The following SFMBT1 variants were observed in gnomAD, a reference collection of about 807,000 sequenced individuals.
The protein encoded by SFMBT1 is Scm like with four mbt domains 1.
A neutral mutation model predicts 108.7 loss-of-function variants in SFMBT1; 32 were observed. The observed-to-expected ratio is 0.29, with a 90% CI of 0.22 to 0.40. The LOEUF (loss-of-function observed/expected upper bound fraction) is 0.40, where lower values mean the gene tolerates loss of function less well. SFMBT1 is among the 10% of genes least tolerant of loss of function. The pLI is 1.00. For synonymous variants in SFMBT1, 348 were observed against 369.5 expected, an observed-to-expected ratio of 0.94 and a Z score of 0.67; for missense variants, 816 against 1,059.6, an observed-to-expected ratio of 0.77 and a Z score of 3.19.
intron 1 of SFMBT1, among the ~76,000 whole-genome samples, chr3:53,019,465 GA>G (rs1699232237): frequency 6.6e-6 from 1 of 151,918 alleles, no homozygotes; most frequent in African/African-American, 2.4e-5. Flanking sequence ...TACTCATTTG[GA>G]ATTTCCATTT....
rs545496427 is a variant in SFMBT1 at position 52,992,854 on chromosome 3, G to A, written c.-130-23596C>T. On this transcript the variant is annotated intron_variant, in intron 1 of 20. Coordinates refer to ENST00000394752, the MANE Select transcript of SFMBT1 (RefSeq NM_016329.4). ...CACCTGGAGTGATTCAGGCCTACCT[G>A]CTCCTCAGGGTCTGGGCCCCACCTT... is the stretch of plus-strand genomic sequence containing the variant. 2.7e-4 allele frequency among the ~76,000 whole-genome samples: 41 copies of A among 152,266 alleles called. 1 individual carries two copies. The South Asian group carries it at 8.5e-3, about 32-fold the overall frequency.
chr3:52,989,362 G>A (rs746952027), intron 1 of SFMBT1, among the ~76,000 whole-genome samples: 12 of 150,378 alleles, frequency 8.0e-5, no homozygotes, highest in East Asian at 5.8e-4. Flanking sequence ...GTGTGAACCC[G>A]GGAGCCAGAG....
At chr3:52,998,361 T>C (rs1242974685) in intron 1 of SFMBT1, among the ~76,000 whole-genome samples, 2 of 149,992 alleles carry the variant, frequency 1.3e-5, no homozygotes, top group Admixed American at 6.7e-5. Flanking sequence ...CACTGCACTC[T>C]AGCCTGGGTG....
rs539047028 is a variant in SFMBT1 at position 53,000,152 on chromosome 3, G to A, written c.-130-30894C>T. Among the ~76,000 whole-genome samples, 55 of 150,026 alleles carry A rather than the reference G, an allele frequency of 3.7e-4. 1 individual carries two copies. Among genetic ancestry groups the A allele is most frequent in the Admixed American group, 8.1e-4 (12 of 14,886 alleles). On this transcript the variant is annotated intron_variant, in intron 1 of 20. Transcript: ENST00000394752. ...GCTGGGATTACAGGCGTGAGCCACC[G>A]CACCCAGCCTACTCTTACATTTTTT...
At chr3:53,005,604 G>A (rs1354121459) in intron 1 of SFMBT1, among the ~76,000 whole-genome samples, 1 of 152,188 alleles carries the variant, frequency 6.6e-6, no homozygotes, top group Non-Finnish European at 1.5e-5. Flanking sequence ...GAGCCACAGA[G>A]CCCAGCTGGG....
intron 1 of SFMBT1, among the ~76,000 whole-genome samples, chr3:52,979,297 T>A (rs768943954): frequency 6.6e-6 from 1 of 152,248 alleles, no homozygotes; most frequent in African/African-American, 2.4e-5. Context: ...GGTAATGTTA[T>A]GCTTTAACAG....
intron 3 of SFMBT1, among the ~76,000 whole-genome samples, chr3:52,950,743 G>C (rs188250521): frequency 6.6e-6 from 1 of 152,132 alleles, no homozygotes; most frequent in African/African-American, 2.4e-5. Context: ...CAAAGTGCTG[G>C]GATTACAGGC....
intron 1 of SFMBT1, among the ~76,000 whole-genome samples, chr3:53,034,762 C>T (rs1447695360): frequency 6.6e-6 from 1 of 151,338 alleles, no homozygotes; most frequent in African/African-American, 2.4e-5. Flanking sequence ...CACGGAGAAA[C>T]CCCCATCGCT....
chr3:52,921,950 T>A, intron 10 of SFMBT1, 119 bp from the exon 11 acceptor site: 1 of 1,010,386 alleles, frequency 9.9e-7, no homozygotes, highest in Admixed American at 2.2e-5. Context: ...AACATTTATT[T>A]TGCATTGTTT....
At chr3:52,941,478 C>T (rs1703179034) in intron 4 of SFMBT1, among the ~76,000 whole-genome samples, 1 of 149,562 alleles carries the variant, frequency 6.7e-6, no homozygotes, top group Non-Finnish European at 1.5e-5. Context: ...CCTGTAATCC[C>T]AGCTACTTGG....
intron 1 of SFMBT1, among the ~76,000 whole-genome samples, chr3:52,979,269 C>T (rs1181859746): frequency 6.6e-6 from 1 of 151,982 alleles, no homozygotes; most frequent in Non-Finnish European, 1.5e-5. Context: ...TTGGCTGTTA[C>T]TGGTTTGTAT....
At chr3:52,981,556 T>C (rs898254744) in intron 1 of SFMBT1, among the ~76,000 whole-genome samples, 30 of 150,500 alleles carry the variant, frequency 2.0e-4, no homozygotes, top group South Asian at 4.3e-4. Flanking sequence ...TTTTTTACTT[T>C]TCTGCAGAGA....
chr3:53,032,023 G>C (rs956881151), intron 1 of SFMBT1, among the ~76,000 whole-genome samples: 3 of 152,212 alleles, frequency 2.0e-5, no homozygotes, highest in Non-Finnish European at 4.4e-5. Context: ...GTCTAGGGAA[G>C]GCTTTGCTGA....
chr3:52,985,141 T>C (rs1186154459), intron 1 of SFMBT1, among the ~76,000 whole-genome samples: 4 of 152,178 alleles, frequency 2.6e-5, no homozygotes, highest in Non-Finnish European at 5.9e-5. Flanking sequence ...ACAGTATGTC[T>C]TTGTTCTGAT....
At chr3:53,022,723 C>A (rs1027799847) in intron 1 of SFMBT1, among the ~76,000 whole-genome samples, 1 of 152,062 alleles carries the variant, frequency 6.6e-6, no homozygotes, top group Non-Finnish European at 1.5e-5. Flanking sequence ...TTTCATAGAA[C>A]TGAAAAACAG....
At chr3:52,945,136 T>TAAAAAAAAAAAAAAAAACAAAA (rs367727549) in intron 3 of SFMBT1, among the ~76,000 whole-genome samples, 1 of 48,512 alleles carries the variant, frequency 2.1e-5, no homozygotes, top group Non-Finnish European at 4.5e-5. Context: ...ACCTTCCAAT[T>TAAAAAAAAAAAAAAAAACAAAA]AAAAAAAAAA....
chr3:53,017,610 C>G (rs1176714411), intron 1 of SFMBT1, among the ~76,000 whole-genome samples: 1 of 152,136 alleles, frequency 6.6e-6, no homozygotes, highest in East Asian at 1.9e-4. Flanking sequence ...ATGAAGCACT[C>G]TCATGGAACA....
chr3:52,958,328 T>G (rs1362729852), intron 2 of SFMBT1, among the ~76,000 whole-genome samples: 3 of 152,206 alleles, frequency 2.0e-5, no homozygotes, highest in Non-Finnish European at 4.4e-5. Context: ...GGGTGGCTCA[T>G]GCCTGTAATC....
intron 9 of SFMBT1, among the ~76,000 whole-genome samples, chr3:52,926,572 T>G (rs971899254): frequency 6.6e-6 from 1 of 152,228 alleles, no homozygotes; most frequent in Non-Finnish European, 1.5e-5. Context: ...TAAAGCTGTT[T>G]CCTGAAATGT....
Sources: allele counts gnomAD v4.1 joint callset (sites outside exome capture counted in the v4.1 genomes callset), GRCh38; gene constraint gnomAD v4.1.1; transcripts MANE v1.5; gene names NCBI Gene and HGNC (gene_info 2026-07-23, HGNC 2026-07-21).